Variants in CIMIP3 observed in about 807,000 individuals in gnomAD.
CIMIP3 encodes ciliary microtubule inner protein 3, also known as GUCA1A neighbor.
the CIMIP3 span, chr6:42,163,079 A>G: frequency 1.4e-6 from 1 of 716,574 alleles, no homozygotes; most frequent in Admixed American, 2.0e-5. Flanking sequence ...TAAGGGGCAG[A>G]ATCCGGACAA....
chr6:42,156,794 C>T, the CIMIP3 span, among the ~76,000 whole-genome samples: 1 of 152,268 alleles, frequency 6.6e-6, no homozygotes, highest in Non-Finnish European at 1.5e-5. Context: ...CCAAGGTCGC[C>T]TGACCTGTAA....
At chr6:42,162,486 A>G in the CIMIP3 span, among the ~76,000 whole-genome samples, 1 of 150,580 alleles carries the variant, frequency 6.6e-6, no homozygotes, top group Non-Finnish European at 1.5e-5. Context: ...GGTGGGAGAC[A>G]GGAAGCCCTG....
chr6:42,161,378 G>A, the CIMIP3 span, among the ~76,000 whole-genome samples: 1 of 152,046 alleles, frequency 6.6e-6, no homozygotes, highest in African/African-American at 2.4e-5. Context: ...GCTGAAGCCT[G>A]GGGGAGCAGA....
At chr6:42,162,087 ATTCTTTTTTTTTT>A in the CIMIP3 span, among the ~76,000 whole-genome samples, 12 of 111,782 alleles carry the variant, frequency 1.1e-4, no homozygotes, top group African/African-American at 3.0e-4. Flanking sequence ...TGGAAGCCAC[ATTCTTTTTTTTTT>A]TTTTTTTTTT....
chr6:42,158,368 C>G, the CIMIP3 span, among the ~76,000 whole-genome samples: 1 of 152,172 alleles, frequency 6.6e-6, no homozygotes, highest in Non-Finnish European at 1.5e-5. Context: ...CCTCTTCCAC[C>G]TCTTCCCCTA....
chr6:42,155,659 C>G, the CIMIP3 span: 1 of 716,770 alleles, frequency 1.4e-6, no homozygotes, highest in South Asian at 1.5e-5. Flanking sequence ...CTTGTACTCC[C>G]CAGCTGTCGG....
At chr6:42,157,242 C>A in the CIMIP3 span, among the ~76,000 whole-genome samples, 1 of 152,060 alleles carries the variant, frequency 6.6e-6, no homozygotes, top group Non-Finnish European at 1.5e-5. Flanking sequence ...AGGGATATTT[C>A]TTTTTTCTGA....
At chr6:42,157,452 G>A in the CIMIP3 span, among the ~76,000 whole-genome samples, 4 of 151,974 alleles carry the variant, frequency 2.6e-5, no homozygotes, top group African/African-American at 4.8e-5. Flanking sequence ...GTTTTGCCAC[G>A]TTGCCAAGGC....
chr6:42,156,204 C>T, the CIMIP3 span, among the ~76,000 whole-genome samples: 1 of 152,050 alleles, frequency 6.6e-6, no homozygotes, highest in African/African-American at 2.4e-5. Flanking sequence ...CCATGTTGAC[C>T]AGGCTGGTCC....
chr6:42,155,707 C>G, the CIMIP3 span: 4 of 704,886 alleles, frequency 5.7e-6, no homozygotes, highest in East Asian at 5.4e-5. Context: ...AGAGAGGGAA[C>G]AGGACACCCT....
At chr6:42,162,900 C>T in the CIMIP3 span, 1 of 613,124 alleles carries the variant, frequency 1.6e-6, no homozygotes, top group Non-Finnish European at 3.0e-6. Context: ...TCAGCTCTCC[C>T]CTTCTTTCCC....
the CIMIP3 span, among the ~76,000 whole-genome samples, chr6:42,161,457 G>A: frequency 1.3e-5 from 2 of 152,186 alleles, no homozygotes; most frequent in African/African-American, 4.8e-5. Flanking sequence ...TGGTGGTGCT[G>A]TCACGGTGAG....
At chr6:42,156,302 T>C in the CIMIP3 span, among the ~76,000 whole-genome samples, 5 of 148,450 alleles carry the variant, frequency 3.4e-5, no homozygotes, top group African/African-American at 1.3e-4. Flanking sequence ...AGCCATTTTT[T>C]TTTCTTTTTT....
At chr6:42,163,099 C>G in the CIMIP3 span, 4 of 714,506 alleles carry the variant, frequency 5.6e-6, no homozygotes, top group Admixed American at 6.0e-5. Flanking sequence ...AGCTCAGGTT[C>G]AATTTCTACA....
chr6:42,159,711 T>C, the CIMIP3 span, among the ~76,000 whole-genome samples: 2 of 152,092 alleles, frequency 1.3e-5, no homozygotes, highest in Admixed American at 1.3e-4. Flanking sequence ...CAGAAAGAAA[T>C]AGAAGATCCA....
At chr6:42,158,358 C>T in the CIMIP3 span, among the ~76,000 whole-genome samples, 2 of 152,206 alleles carry the variant, frequency 1.3e-5, no homozygotes, top group Admixed American at 1.3e-4. Context: ...CCCTCTTCCT[C>T]CTCTTCCACC....
chr6:42,162,484 A>G, the CIMIP3 span, among the ~76,000 whole-genome samples: 1 of 147,028 alleles, frequency 6.8e-6, no homozygotes, highest in African/African-American at 2.5e-5. Flanking sequence ...AGGGTGGGAG[A>G]CAGGAAGCCC....
the CIMIP3 span, chr6:42,155,515 T>C: frequency 1.5e-3 from 1,100 of 716,774 alleles, 3 homozygotes; most frequent in Non-Finnish European, 2.3e-3. Context: ...CTGGGGAAGG[T>C]CAGCTCGGGG....
At chr6:42,161,407 A>G in the CIMIP3 span, among the ~76,000 whole-genome samples, 2 of 152,064 alleles carry the variant, frequency 1.3e-5, no homozygotes, top group Non-Finnish European at 2.9e-5. Flanking sequence ...AGCCTGACAC[A>G]CACGCAGGAT....
Sources: gnomAD v4.1 joint callset for allele counts (sites outside exome capture counted in the v4.1 genomes callset) on GRCh38, gnomAD v4.1.1 for gene constraint, MANE v1.5 for transcripts, NCBI Gene and HGNC (gene_info 2026-07-23, HGNC 2026-07-21) for gene names.